The following ARHGAP6 variants were observed in gnomAD, a reference collection of about 807,000 sequenced individuals.
ARHGAP6 encodes the protein rho GTPase-activating protein 6.
A neutral mutation model predicts 55.7 loss-of-function variants in ARHGAP6; 16 were observed. That is an observed-to-expected ratio of 0.29 (90% CI 0.19 to 0.44). The LOEUF (loss-of-function observed/expected upper bound fraction) is 0.44. Ranked by LOEUF, ARHGAP6 falls within the 20% of genes least tolerant of loss-of-function variation. The probability of loss-of-function intolerance (pLI) is 1.00; values close to 1 mark genes in which losing one functional copy is unlikely to be tolerated. For synonymous variants in ARHGAP6, 382 were observed against 360.9 expected, an observed-to-expected ratio of 1.06 and a Z score of -0.66; for missense variants, 698 against 808.9, an observed-to-expected ratio of 0.86 and a Z score of 1.66.
chrX:11,663,088 A>G (rs1367201962), intron 1 of ARHGAP6, among the ~76,000 whole-genome samples: 3 of 112,306 alleles, frequency 2.7e-5, no homozygotes. Context: ...AGTTACTTTG[A>G]CACAGTAACT....
At chrX:11,629,530 G>A (rs1371194034) in intron 1 of ARHGAP6, among the ~76,000 whole-genome samples, 1 of 110,178 alleles carries the variant, frequency 9.1e-6, no homozygotes, top group Admixed American at 9.7e-5. Flanking sequence ...AAGCAATTAT[G>A]AATATAAATA....
chrX:11,192,212 A>G (rs977211174), intron 3 of ARHGAP6, among the ~76,000 whole-genome samples: 1 of 112,470 alleles, frequency 8.9e-6, no homozygotes, highest in African/African-American at 3.2e-5. Context: ...TGGGAGAACC[A>G]GAAATCTGAG....
At position 11,392,093 on chromosome X, in the gene ARHGAP6, T is replaced by G. The variant is rs962793526; in HGVS notation, c.589-137386A>C. On this transcript the variant is annotated intron_variant, in intron 1 of 12. Transcript: ENST00000337414. ...ATCACTGTCATGCAATTCACATATCTTTGGCTTATCTTTTGCAAGAAAAAA... is the reference window on the plus strand; with the variant it reads ...ATCACTGTCATGCAATTCACATATCGTTGGCTTATCTTTTGCAAGAAAAAA... 2.7e-5 allele frequency among the ~76,000 whole-genome samples: 3 copies of G among 112,488 alleles called. No homozygotes were observed. In the South Asian group the frequency reaches 1.1e-3, roughly 41 times the overall value.
intron 1 of ARHGAP6, among the ~76,000 whole-genome samples, chrX:11,435,610 C>T (rs1470754333): frequency 1.8e-5 from 2 of 111,792 alleles, no homozygotes; most frequent in Admixed American, 9.5e-5. Context: ...GTTGTTATCC[C>T]GTGCAACACA....
chrX:11,568,087 A>C (rs550862929), intron 1 of ARHGAP6, among the ~76,000 whole-genome samples: 1 of 111,741 alleles, frequency 8.9e-6, no homozygotes, highest in South Asian at 3.8e-4. Flanking sequence ...CCATGCATAG[A>C]GTAAATGCTA....
At position 11,209,208 on chromosome X, in the gene ARHGAP6, C is replaced by T. The variant is rs184979950; in HGVS notation, c.749-12212G>A. ...CCAGGCTGGAGTGCAGCGGCGTAAT[C>T]GAGGCTCACTGCAACCTCTGCCTCC... On this transcript the variant is annotated intron_variant, in intron 2 of 12. Transcript: ENST00000337414. Among the ~76,000 whole-genome samples the T allele has an allele frequency of 5.0e-3, 566 of 112,423 alleles. 6 individuals carry two copies. The highest frequency in any genetic ancestry group is 0.017 in the African/African-American group (536 of 30,993).
At chrX:11,491,076 C>T (rs962781287) in intron 1 of ARHGAP6, among the ~76,000 whole-genome samples, 8 of 112,032 alleles carry the variant, frequency 7.1e-5, no homozygotes, top group East Asian at 2.8e-4. Context: ...CAAGCCAGAA[C>T]AGGCTTTGGG....
At chrX:11,456,169 T>C (rs2050192259) in intron 1 of ARHGAP6, among the ~76,000 whole-genome samples, 6 of 112,130 alleles carry the variant, frequency 5.4e-5, no homozygotes, top group Admixed American at 4.7e-4. Flanking sequence ...CAATATTTTA[T>C]GTAGAAAATT....
At chrX:11,412,568 A>G (rs905958275) in intron 1 of ARHGAP6, among the ~76,000 whole-genome samples, 3 of 112,271 alleles carry the variant, frequency 2.7e-5, no homozygotes, top group African/African-American at 9.7e-5. Context: ...TCATAGCAAC[A>G]TGATTATATT....
chrX:11,180,694 C>T (rs750379044), intron 6 of ARHGAP6, among the ~76,000 whole-genome samples: 1 of 111,863 alleles, frequency 8.9e-6, no homozygotes, highest in Non-Finnish European at 1.9e-5. Context: ...TTAATGGATC[C>T]CGATATAACT....
intron 1 of ARHGAP6, among the ~76,000 whole-genome samples, chrX:11,599,269 C>A (rs2051941602): frequency 9.0e-6 from 1 of 110,792 alleles, no homozygotes; most frequent in African/African-American, 3.3e-5. Context: ...GGGTAAATAC[C>A]TAGAAGTGGA....
rs1423539793 is a variant in ARHGAP6 at position 11,388,124 on chromosome X, A to G, written c.589-133417T>C. Among the ~76,000 whole-genome samples the G allele has an allele frequency of 3.6e-5, 4 of 112,196 alleles. No homozygotes were observed. The South Asian group carries it at 1.1e-3, about 31-fold the overall frequency. ...TCAAGTTCTAGATCCCTGAGGAATC[A>G]ACACACTGACTTCCACAATGGTTGA... On this transcript the variant is annotated intron_variant, in intron 1 of 12. Coordinates refer to ENST00000337414, the MANE Select transcript of ARHGAP6 (RefSeq NM_013427.3).
chrX:11,373,094 A>AACAC (rs71907621), intron 1 of ARHGAP6, among the ~76,000 whole-genome samples: 74 of 98,867 alleles, frequency 7.5e-4, no homozygotes, highest in Non-Finnish European at 1.0e-3. Context: ...CACACACACA[A>AACAC]ACACACACAC....
At chrX:11,237,338 A>G (rs1022514522) in intron 2 of ARHGAP6, among the ~76,000 whole-genome samples, 1 of 112,081 alleles carries the variant, frequency 8.9e-6, no homozygotes, top group Admixed American at 9.4e-5. Context: ...CCAGTCCCCT[A>G]CTATTCAGGT....
intron 1 of ARHGAP6, among the ~76,000 whole-genome samples, chrX:11,475,551 TAAAGA>T (rs1481264968): frequency 1.1e-5 from 1 of 89,010 alleles, no homozygotes; most frequent in Non-Finnish European, 2.2e-5. Context: ...AGTGTAATAT[TAAAGA>T]AACTACACAC....
chrX:11,469,642 A>G (rs1001723278), intron 1 of ARHGAP6, among the ~76,000 whole-genome samples: 3 of 111,676 alleles, frequency 2.7e-5, no homozygotes, highest in Non-Finnish European at 3.8e-5. Context: ...CCTCTTTGCA[A>G]CCCAGGAACT....
In ARHGAP6 at chrX:11,404,076, C is replaced by CTGATA. The variant is rs767318798; in HGVS notation, c.589-149374_589-149370dup. ...TCCAAGTTCACCAGTCTATGCCTTA[C>CTGATA]TGATACTTCTTGCTTTTTGGCATCT... On this transcript the variant is annotated intron_variant, in intron 1 of 12. Transcript: ENST00000337414. Among the ~76,000 whole-genome samples, 165 of 112,130 alleles carry CTGATA rather than the reference C, an allele frequency of 1.5e-3. 1 individual carries two copies. Among genetic ancestry groups the CTGATA allele is most frequent in the Non-Finnish European group, 2.7e-3 (144 of 53,239 alleles).
intron 1 of ARHGAP6, among the ~76,000 whole-genome samples, chrX:11,642,166 A>C (rs1324747053): frequency 9.0e-6 from 1 of 111,730 alleles, no homozygotes; most frequent in Non-Finnish European, 1.9e-5. Flanking sequence ...TACATCTTGG[A>C]AACAATCCAC....
intron 2 of ARHGAP6, among the ~76,000 whole-genome samples, chrX:11,223,831 G>T (rs1387264703): frequency 9.0e-6 from 1 of 111,003 alleles, no homozygotes; most frequent in African/African-American, 3.3e-5. Flanking sequence ...AAAGTAAACT[G>T]CTGTTAGAGA....
Sources: gnomAD v4.1 joint callset for allele counts (sites outside exome capture counted in the v4.1 genomes callset) on GRCh38, gnomAD v4.1.1 for gene constraint, MANE v1.5 for transcripts, NCBI Gene and HGNC (gene_info 2026-07-23, HGNC 2026-07-21) for gene names.